Variants in SLC37A1 observed in about 807,000 individuals in gnomAD.
SLC37A1 encodes glucose-6-phosphate exchanger SLC37A1.
SLC37A1 carries 49 observed loss-of-function variants against 75.3 expected under a neutral mutation model. That is an observed-to-expected ratio of 0.65 (90% CI 0.52 to 0.83). SLC37A1 has a LOEUF of 0.83. Ranked by LOEUF, SLC37A1 falls within the 40% of genes least tolerant of loss-of-function variation. The pLI, the probability that SLC37A1 is intolerant of heterozygous loss-of-function variation, is 0.00. For synonymous variants in SLC37A1, 268 were observed against 292.1 expected (o/e 0.92, Z 0.84); for missense variants, 566 against 695.0 (o/e 0.81, Z 2.09).
At position 42,548,579 on chromosome 21, in the gene SLC37A1, G is replaced by A. The variant is rs191607506; in HGVS notation, c.768+1439G>A. Among the ~76,000 whole-genome samples, 69 of 152,178 alleles carry A rather than the reference G, an allele frequency of 4.5e-4. No homozygotes were observed. The highest frequency in any genetic ancestry group is 1.2e-3 in the African/African-American group (49 of 41,512). The stretch of plus-strand genomic sequence containing the variant: ...CTCCGCCTCTACCACCCTGGTCCCC[G>A]TCACCACCGTCAGCTCTCCTCCGAG... On this transcript the variant is annotated intron_variant, in intron 9 of 19. Transcript: ENST00000352133. This position sits in a 1 kb window ranked among gnomAD's most constrained non-coding sequence, Gnocchi z 5.6.
At chr21:42,533,112 TC>T (rs1323932960) in intron 3 of SLC37A1, among the ~76,000 whole-genome samples, 5 of 152,160 alleles carry the variant, frequency 3.3e-5, no homozygotes, top group African/African-American at 1.2e-4. Context: ...GGGCAGGACT[TC>T]CGGCTGCTGC....
intron 2 of SLC37A1, among the ~76,000 whole-genome samples, chr21:42,519,768 G>A (rs1420706641): frequency 6.6e-6 from 1 of 152,226 alleles, no homozygotes; most frequent in African/African-American, 2.4e-5. Context: ...TCTGCTGTGA[G>A]TCTAGCCACA....
intron 11 of SLC37A1, among the ~76,000 whole-genome samples, chr21:42,559,688 C>A (rs1186370512): frequency 1.3e-5 from 2 of 152,166 alleles, no homozygotes; most frequent in Non-Finnish European, 2.9e-5. Context: ...CCAGCCTGGC[C>A]AACATGGCAA....
intron 10 of SLC37A1, among the ~76,000 whole-genome samples, chr21:42,557,719 T>G (rs2055727019): frequency 1.3e-5 from 2 of 152,112 alleles, no homozygotes; most frequent in Admixed American, 1.3e-4. Flanking sequence ...TGTTTTCCAC[T>G]GGAAGAGAAT....
At chr21:42,564,549 G>C (rs746418358) in intron 13 of SLC37A1, among the ~76,000 whole-genome samples, 159 bp from the exon 14 acceptor site, 1 of 152,178 alleles carries the variant, frequency 6.6e-6, no homozygotes, top group Admixed American at 6.5e-5. Flanking sequence ...GGAGGCCTGT[G>C]GGGAGGTCAG....
chr21:42,518,317 C>T lies in SLC37A1; in HGVS notation c.-138C>T. 3 of 1,044,594 alleles carry T rather than the reference C, an allele frequency of 2.9e-6. No individual in the cohort carries two copies. Among genetic ancestry groups the T allele is most frequent in the Non-Finnish European group, 4.4e-6 (3 of 686,372 alleles). 64.7% of individuals were successfully genotyped at this position (1,044,594 alleles called of 1,614,324 possible). On this transcript the variant is annotated 5_prime_UTR_variant, in exon 2 of 20. Transcript: ENST00000352133. The stretch of plus-strand genomic sequence containing the variant: ...CCAGAAGGAAGGGGACAAGACCCAG[C>T]AGGACACCTTCTTTCCACGCTTTCC...
Position 42,547,377 on chromosome 21 carries a change from G to T in SLC37A1, c.768+237G>T, listed in dbSNP as rs1320417570. On this transcript the variant is annotated intron_variant, in intron 9 of 19. Coordinates refer to ENST00000352133, the MANE Select transcript of SLC37A1 (RefSeq NM_001320537.2). The surrounding 1 kb of genome is among the most constrained non-coding windows in gnomAD (Gnocchi z 6.1). ...ATGCTGTCCAGATGAAGGACTTCATGCTAAGGGGAACCAAAGGCTGGGCCC... is the reference window on the plus strand; with the variant it reads ...ATGCTGTCCAGATGAAGGACTTCATTCTAAGGGGAACCAAAGGCTGGGCCC... The T allele has an allele frequency of 4.2e-6, 2 of 475,352 alleles. No homozygotes were observed. Among genetic ancestry groups the T allele is most frequent in the East Asian group, 3.5e-5 (1 of 28,192 alleles). 29.4% of individuals were successfully genotyped at this position (475,352 alleles called of 1,614,324 possible).
At chr21:42,555,878 G>A (rs777564441) in intron 10 of SLC37A1, among the ~76,000 whole-genome samples, 7 of 152,344 alleles carry the variant, frequency 4.6e-5, no homozygotes, top group Admixed American at 3.3e-4. Flanking sequence ...TGCTGACCTC[G>A]CTTACGTGGC....
chr21:42,511,881 AGCATATAATAATGGTGGTTACCAGGG>A (rs916348558), upstream of SLC37A1, among the ~76,000 whole-genome samples: 1 of 152,172 alleles, frequency 6.6e-6, no homozygotes, highest in African/African-American at 2.4e-5. Context: ...AGAGAAGCAG[AGCATATAATAATGGTGGTTACCAGGG>A]GCAGTAGGTG....
At chr21:42,522,251 T>C (rs6586328) in intron 2 of SLC37A1, among the ~76,000 whole-genome samples, 109,646 of 152,178 alleles carry the variant, frequency 0.72, 40,180 homozygotes, top group Admixed American at 0.77. Flanking sequence ...TTATGGGGGA[T>C]GATATTCAAC....
intron 8 of SLC37A1, among the ~76,000 whole-genome samples, chr21:42,544,279 A>G (rs1295695037): frequency 2.0e-5 from 3 of 152,176 alleles, no homozygotes; most frequent in Admixed American, 6.5e-5. Context: ...CTGAGTTTAA[A>G]CCATATGGCA....
chr21:42,544,929 A>C (rs907640510), intron 8 of SLC37A1, among the ~76,000 whole-genome samples: 2 of 152,098 alleles, frequency 1.3e-5, no homozygotes, highest in Admixed American at 1.3e-4. Context: ...GGTAGAGTCC[A>C]TGGGGTCTTC....
intron 9 of SLC37A1, among the ~76,000 whole-genome samples, chr21:42,550,400 C>T (rs1052502913): frequency 6.6e-6 from 1 of 152,150 alleles, no homozygotes; most frequent in South Asian, 2.1e-4. Context: ...AAAACTGACT[C>T]AAGAGAGGAG....
chr21:42,572,848 T>C (rs1012395904), intron 17 of SLC37A1, among the ~76,000 whole-genome samples: 1 of 152,072 alleles, frequency 6.6e-6, no homozygotes, highest in Non-Finnish European at 1.5e-5. Context: ...CGTTGGGGTG[T>C]TCCCCAGACA....
At chr21:42,564,838 C>T in intron 14 of SLC37A1, 45 bp downstream of exon 14, 1 of 1,526,992 alleles carries the variant, frequency 6.5e-7, no homozygotes, top group Non-Finnish European at 9.0e-7. Flanking sequence ...TGCAGACAGT[C>T]CCCCACTGTC....
chr21:42,553,459 G>A (rs2055605240), intron 9 of SLC37A1, among the ~76,000 whole-genome samples: 1 of 152,200 alleles, frequency 6.6e-6, no homozygotes, highest in South Asian at 2.1e-4. Context: ...GAGCCCTGTA[G>A]AAATAATGAT....
intron 6 of SLC37A1, among the ~76,000 whole-genome samples, chr21:42,540,487 G>C (rs1297714165): frequency 6.6e-6 from 1 of 151,680 alleles, no homozygotes; most frequent in South Asian, 2.1e-4. Context: ...CGACTTTGGA[G>C]TTGGGCAGCA....
At chr21:42,575,856 T>C in intron 18 of SLC37A1, 1 of 985,370 alleles carries the variant, frequency 1.0e-6, no homozygotes, top group Non-Finnish European at 1.2e-6. Context: ...GGCTGTTCTT[T>C]GGATCATCTG....
Position 42,564,690 on chromosome 21 carries a change from C to G in SLC37A1, c.1136-18C>G. On this transcript the variant is annotated intron_variant, in intron 13 of 19. Coordinates refer to ENST00000352133, the MANE Select transcript of SLC37A1 (RefSeq NM_001320537.2). ...TGCCCTGGGACGTCAGTGCCTGAAGCCCGCCTCTCCGTTGCAGGTGGGATC... is the reference window on the plus strand; with the variant it reads ...TGCCCTGGGACGTCAGTGCCTGAAGGCCGCCTCTCCGTTGCAGGTGGGATC... The G allele has an allele frequency of 6.2e-7, 1 of 1,607,628 alleles. No individual in the cohort carries two copies. Among genetic ancestry groups the G allele is most frequent in the South Asian group, 1.1e-5 (1 of 91,022 alleles).
Sources: gnomAD v4.1 joint callset for allele counts (sites outside exome capture counted in the v4.1 genomes callset) on GRCh38, gnomAD v4.1.1 for gene constraint, Gnocchi (gnomAD v3.1) non-coding constraint, MANE v1.5 for transcripts, NCBI Gene and HGNC (gene_info 2026-07-23, HGNC 2026-07-21) for gene names.